The following EPHA3 variants were observed in gnomAD, a reference collection of about 807,000 sequenced individuals.
The protein encoded by EPHA3 is ephrin type-A receptor 3.
A neutral mutation model predicts 107.1 loss-of-function variants in EPHA3; 42 were observed. The observed-to-expected ratio is 0.39, with a 90% CI of 0.31 to 0.51. EPHA3 has a LOEUF of 0.51. EPHA3 is among the 20% of genes least tolerant of loss of function. EPHA3 has a pLI of 0.78. For synonymous variants in EPHA3, 461 were observed against 424.8 expected (o/e 1.09, Z -1.05); for missense variants, 1,183 against 1,211.2 (o/e 0.98, Z 0.35).
At chr3:89,370,335 T>G (rs1484701152) in intron 5 of EPHA3, among the ~76,000 whole-genome samples, 2 of 151,794 alleles carry the variant, frequency 1.3e-5, no homozygotes, top group African/African-American at 4.8e-5. Flanking sequence ...CCATAAAAAA[T>G]GATGAGTTCA....
chr3:89,402,301 T>A (rs1708978791), intron 7 of EPHA3, among the ~76,000 whole-genome samples: 2 of 152,142 alleles, frequency 1.3e-5, no homozygotes. Context: ...TAGCAATGCT[T>A]CCATTGATTG....
At chr3:89,404,790 A>G (rs1211960239) in intron 7 of EPHA3, among the ~76,000 whole-genome samples, 1 of 152,184 alleles carries the variant, frequency 6.6e-6, no homozygotes, top group East Asian at 1.9e-4. Context: ...CTCCTATCAT[A>G]GTTCCCTTCC....
chr3:89,259,473 A>G (rs1399466843), intron 3 of EPHA3, among the ~76,000 whole-genome samples: 2 of 152,250 alleles, frequency 1.3e-5, no homozygotes, highest in African/African-American at 2.4e-5. Flanking sequence ...TTAACTAACA[A>G]ATCTTGAAAT....
intron 3 of EPHA3, among the ~76,000 whole-genome samples, chr3:89,274,954 A>G (rs1559628422): frequency 1.3e-5 from 2 of 152,054 alleles, no homozygotes. Context: ...TATGTCAGGC[A>G]TGTCATTTTT....
chr3:89,170,624 G>C (rs944626976), intron 2 of EPHA3, among the ~76,000 whole-genome samples: 6 of 152,170 alleles, frequency 3.9e-5, no homozygotes, highest in African/African-American at 1.4e-4. Flanking sequence ...TTGAAGTGAA[G>C]ATAGAGCAAA....
At chr3:89,316,679 T>A (rs771303411) in intron 3 of EPHA3, among the ~76,000 whole-genome samples, 3 of 151,158 alleles carry the variant, frequency 2.0e-5, no homozygotes, top group Non-Finnish European at 3.0e-5. Context: ...TGGTGATACT[T>A]AATGCTCTCT....
At chr3:89,139,353 A>G (rs1165727896) in intron 2 of EPHA3, among the ~76,000 whole-genome samples, 3 of 151,852 alleles carry the variant, frequency 2.0e-5, no homozygotes, top group Non-Finnish European at 2.9e-5. Flanking sequence ...ATATGAGTCA[A>G]TTTGGTAAAC....
intron 3 of EPHA3, among the ~76,000 whole-genome samples, chr3:89,311,440 G>T (rs963565070): frequency 2.0e-5 from 3 of 151,904 alleles, no homozygotes; most frequent in African/African-American, 7.2e-5. Context: ...AGGGACAAAA[G>T]GTGGTGGTGT....
At chr3:89,245,977 C>A (rs1485713961) in intron 3 of EPHA3, among the ~76,000 whole-genome samples, 5 of 152,258 alleles carry the variant, frequency 3.3e-5, no homozygotes, top group African/African-American at 1.2e-4. Context: ...ATTAGATCCA[C>A]AGTTGGGTTT....
intron 2 of EPHA3, among the ~76,000 whole-genome samples, chr3:89,170,333 C>G (rs1296965352): frequency 6.6e-6 from 1 of 151,802 alleles, no homozygotes; most frequent in South Asian, 2.1e-4. Flanking sequence ...AAGTTTAAAC[C>G]TAAGGATACT....
At chr3:89,154,860 G>T (rs1160202161) in intron 2 of EPHA3, among the ~76,000 whole-genome samples, 1 of 148,194 alleles carries the variant, frequency 6.7e-6, no homozygotes, top group East Asian at 2.0e-4. Flanking sequence ...CCACATTAAA[G>T]CATCTAAGAA....
chr3:89,471,959 G>C (rs1710411667), intron 15 of EPHA3, among the ~76,000 whole-genome samples: 1 of 151,282 alleles, frequency 6.6e-6, no homozygotes, highest in Admixed American at 6.6e-5. Flanking sequence ...ACTCTGTATT[G>C]AGTTTATGTC....
chr3:89,254,315 C>T (rs185168174), intron 3 of EPHA3, among the ~76,000 whole-genome samples: 10 of 152,236 alleles, frequency 6.6e-5, no homozygotes, highest in Non-Finnish European at 1.5e-4. Flanking sequence ...AGTCAATAAT[C>T]CTTGTACATT....
chr3:89,452,247 G>A (rs1283638019), intron 15 of EPHA3, among the ~76,000 whole-genome samples: 1 of 152,030 alleles, frequency 6.6e-6, no homozygotes. Flanking sequence ...GGATCATATG[G>A]TGATTCTATT....
At chr3:89,179,366 G>T (rs568824744) in intron 2 of EPHA3, among the ~76,000 whole-genome samples, 1 of 151,972 alleles carries the variant, frequency 6.6e-6, no homozygotes, top group African/African-American at 2.4e-5. Context: ...CTTTAAAAAG[G>T]AGGGGAACTT....
intron 3 of EPHA3, among the ~76,000 whole-genome samples, chr3:89,257,237 T>G (rs1212203102): frequency 2.6e-5 from 4 of 152,202 alleles, no homozygotes; most frequent in South Asian, 4.1e-4. Context: ...CTCTTTCTCT[T>G]AAACTCCACA....
At chr3:89,308,319 G>A (rs1385234789) in intron 3 of EPHA3, among the ~76,000 whole-genome samples, 1 of 152,094 alleles carries the variant, frequency 6.6e-6, no homozygotes, top group Non-Finnish European at 1.5e-5. Context: ...ATTAATACAT[G>A]TAAAATAACA....
In EPHA3 at chr3:89,222,273, C is replaced by A. The variant is rs571577520; in HGVS notation, c.814+11753C>A. Among the ~76,000 whole-genome samples, 14 of 149,960 alleles carry A rather than the reference C, an allele frequency of 9.3e-5. No homozygotes were observed. In the East Asian group the frequency reaches 2.8e-3, roughly 29 times the overall value. On this transcript the variant is annotated intron_variant, in intron 3 of 16. Coordinates refer to ENST00000336596, the MANE Select transcript of EPHA3 (RefSeq NM_005233.6). ...GATTGGGAATGAATTTTGGACCTGG[C>A]TAGCATTTCTGTTACAGACATTGGG...
chr3:89,236,566 C>A (rs1469261492), intron 3 of EPHA3, among the ~76,000 whole-genome samples: 5 of 103,260 alleles, frequency 4.8e-5, no homozygotes, highest in African/African-American at 2.3e-4. Flanking sequence ...GAACATCACA[C>A]TCTGGGGACT....
Sources: allele counts gnomAD v4.1 joint callset (sites outside exome capture counted in the v4.1 genomes callset), GRCh38; gene constraint gnomAD v4.1.1; transcripts MANE v1.5; gene names NCBI Gene and HGNC (gene_info 2026-07-23, HGNC 2026-07-21).